Variants in ADGRB3 observed in about 807,000 individuals in gnomAD.
ADGRB3 encodes adhesion G protein-coupled receptor B3, also known as brain-specific angiogenesis inhibitor 3.
A neutral mutation model predicts 193.4 loss-of-function variants in ADGRB3; 37 were observed. The ratio of observed to expected loss-of-function variants is 0.19; its 90% CI spans 0.15 to 0.25. The LOEUF is 0.25. ADGRB3 is among the 10% of genes least tolerant of loss of function. ADGRB3 has a pLI of 1.00. For missense variants in ADGRB3, 1,637 were observed against 1,852.9 expected, an observed-to-expected ratio of 0.88 and a Z score of 2.14; for synonymous variants, 690 against 644.2, an observed-to-expected ratio of 1.07 and a Z score of -1.08.
At chr6:68,940,711 G>A (rs1767618240) in intron 5 of ADGRB3, among the ~76,000 whole-genome samples, 1 of 151,884 alleles carries the variant, frequency 6.6e-6, no homozygotes, top group Non-Finnish European at 1.5e-5. Context: ...GGCTAACATG[G>A]TGAAACCCCG....
intron 5 of ADGRB3, among the ~76,000 whole-genome samples, chr6:68,938,135 GTAA>G (rs766024095): frequency 3.3e-5 from 5 of 151,932 alleles, no homozygotes; most frequent in African/African-American, 4.8e-5. Context: ...CTGGCAAAGA[GTAA>G]TAATTGCCAC....
At chr6:68,762,876 A>G (rs1275176586) in intron 3 of ADGRB3, among the ~76,000 whole-genome samples, 2 of 152,180 alleles carry the variant, frequency 1.3e-5, no homozygotes, top group Non-Finnish European at 2.9e-5. Flanking sequence ...TAATCACATT[A>G]CTCTGTAAAC....
intron 29 of ADGRB3, among the ~76,000 whole-genome samples, chr6:69,368,896 G>A (rs1484278355): frequency 6.6e-6 from 1 of 152,090 alleles, no homozygotes; most frequent in Admixed American, 6.6e-5. Context: ...TGAGTTCTAA[G>A]TGGGAAATTA....
At chr6:68,760,343 G>T (rs1313990122) in intron 3 of ADGRB3, among the ~76,000 whole-genome samples, 1 of 152,180 alleles carries the variant, frequency 6.6e-6, no homozygotes, top group Non-Finnish European at 1.5e-5. Flanking sequence ...TAAATTTCTA[G>T]TAGCTAGTTG....
chr6:68,706,343 G>T (rs1409044127), intron 3 of ADGRB3, among the ~76,000 whole-genome samples: 2 of 152,128 alleles, frequency 1.3e-5, no homozygotes, highest in African/African-American at 2.4e-5. Context: ...ACCTCAATTT[G>T]CCATAAAAGA....
At chr6:69,375,296 G>T (rs1164146269) in intron 30 of ADGRB3, among the ~76,000 whole-genome samples, 1 of 152,072 alleles carries the variant, frequency 6.6e-6, no homozygotes, top group African/African-American at 2.4e-5. Context: ...AGGATAGATT[G>T]TAGCAGGGTG....
chr6:69,099,836 C>T (rs1582459753), intron 17 of ADGRB3, among the ~76,000 whole-genome samples: 1 of 152,166 alleles, frequency 6.6e-6, no homozygotes, highest in African/African-American at 2.4e-5. Context: ...ATTATGTAAC[C>T]TGTACCAAGT....
At chr6:68,805,489 C>T (rs574122302) in intron 3 of ADGRB3, among the ~76,000 whole-genome samples, 13 of 152,240 alleles carry the variant, frequency 8.5e-5, no homozygotes, top group East Asian at 3.9e-4. Flanking sequence ...CATTATGAGT[C>T]GAACTTTGTC....
intron 11 of ADGRB3, among the ~76,000 whole-genome samples, chr6:69,001,646 C>G (rs1377785333): frequency 6.6e-6 from 1 of 152,094 alleles, no homozygotes; most frequent in Non-Finnish European, 1.5e-5. Context: ...GCCCTTGAAA[C>G]AGTTTAGATT....
intron 3 of ADGRB3, among the ~76,000 whole-genome samples, chr6:68,692,934 G>A (rs779557423): frequency 3.2e-4 from 49 of 151,068 alleles, no homozygotes; most frequent in African/African-American, 8.0e-4. Flanking sequence ...ATACAGATTC[G>A]TAAACATATG....
intron 3 of ADGRB3, among the ~76,000 whole-genome samples, chr6:68,796,503 C>T (rs1171511375): frequency 2.6e-5 from 4 of 152,112 alleles, no homozygotes; most frequent in Admixed American, 6.6e-5. Context: ...ACCAGTCTTT[C>T]GAAGTGATTT....
chr6:68,928,634 T>C (rs1163068935), intron 3 of ADGRB3, among the ~76,000 whole-genome samples: 2 of 152,180 alleles, frequency 1.3e-5, no homozygotes, highest in South Asian at 2.1e-4. Flanking sequence ...TGCCACTGAG[T>C]TGAAGAATTA....
At chr6:68,771,361 A>ATGCTAGTG in intron 3 of ADGRB3, among the ~76,000 whole-genome samples, 1 of 150,432 alleles carries the variant, frequency 6.6e-6, no homozygotes, top group Admixed American at 6.7e-5. Flanking sequence ...GTTACAGACC[A>ATGCTAGTG]TGCTATGTGT....
intron 3 of ADGRB3, among the ~76,000 whole-genome samples, chr6:68,739,099 C>A (rs1765928267): frequency 6.6e-6 from 1 of 152,166 alleles, no homozygotes; most frequent in African/African-American, 2.4e-5. Flanking sequence ...CAATCATTGA[C>A]TACTGACTTA....
chr6:68,733,705 TAGAA>T (rs993791658), intron 3 of ADGRB3, among the ~76,000 whole-genome samples: 1 of 150,720 alleles, frequency 6.6e-6, no homozygotes, highest in African/African-American at 2.5e-5. Flanking sequence ...GGTACAAAAA[TAGAA>T]AGAGTGAATA....
Position 69,233,298 on chromosome 6 carries a change from C to T in ADGRB3, c.2489C>T (p.Ser830Phe), listed in dbSNP as rs767610095. 5 of 1,613,678 alleles carry T rather than the reference C, an allele frequency of 3.1e-6. No homozygotes were observed. In the South Asian group the frequency reaches 5.5e-5, roughly 18 times the overall value. ...CTCACTCCCCTTTGCAGGAACGAGT[C>T]TTTGGGAACGTGGTCCACCCAGGGA... ...VLWDDSKTNE[S>F]LGTWSTQGCK... is the part of the protein sequence containing the mutation. The change falls in exon 18 of 32, where the codon TCT (serine) becomes TTT (phenylalanine). Residue 830 changes from serine to phenylalanine, a missense_variant. Coordinates refer to ENST00000370598, the MANE Select transcript of ADGRB3 (RefSeq NM_001704.3).
chr6:68,674,760 G>A (rs1769047163), intron 3 of ADGRB3, among the ~76,000 whole-genome samples: 1 of 152,196 alleles, frequency 6.6e-6, no homozygotes, highest in South Asian at 2.1e-4. Context: ...GCATTCATTT[G>A]AAGCCAACAC....
rs540577125 is a variant in ADGRB3 at position 68,725,239 on chromosome 6, A to G, written c.757+85807A>G. On this transcript the variant is annotated intron_variant, in intron 3 of 31. Transcript: ENST00000370598. ...GGGGCTTCAGTCTAGAATTTGAAGG[A>G]TGTTAGAGGATATATTGAGAATTTT... 1.4e-4 allele frequency among the ~76,000 whole-genome samples: 22 copies of G among 151,768 alleles called. No individual in the cohort carries two copies. In the South Asian group the frequency reaches 3.7e-3, roughly 26 times the overall value.
intron 3 of ADGRB3, among the ~76,000 whole-genome samples, chr6:68,733,722 A>G (rs548831530): frequency 1.3e-5 from 2 of 151,946 alleles, no homozygotes; most frequent in South Asian, 4.2e-4. Context: ...AGTGAATAAG[A>G]CCTACTAGTT....
Sources: gnomAD v4.1 joint callset for allele counts (sites outside exome capture counted in the v4.1 genomes callset) on GRCh38, gnomAD v4.1.1 for gene constraint, MANE v1.5 for transcripts, NCBI Gene and HGNC (gene_info 2026-07-23, HGNC 2026-07-21) for gene names.